Variants in KDM4C observed in about 807,000 individuals in gnomAD.
The protein encoded by KDM4C is lysine-specific demethylase 4C.
KDM4C carries 81 observed loss-of-function variants against 129.3 expected under a neutral mutation model. The observed-to-expected ratio is 0.63, with a 90% confidence interval of 0.52 to 0.75. KDM4C has a LOEUF of 0.75. Ranked by LOEUF, KDM4C falls within the 30% of genes least tolerant of loss-of-function variation. KDM4C has a pLI of 0.00. For missense variants in KDM4C, 1,457 were observed against 1,304.0 expected, an observed-to-expected ratio of 1.12 and a Z score of -1.81; for synonymous variants, 573 against 456.1, an observed-to-expected ratio of 1.26 and a Z score of -3.26.
chr9:6,769,148 C>T (rs139472458), intron 1 of KDM4C, among the ~76,000 whole-genome samples: 2 of 151,352 alleles, frequency 1.3e-5, no homozygotes, highest in African/African-American at 2.4e-5. Flanking sequence ...TTTCTTGGGT[C>T]GTTTTTAAGT....
intron 8 of KDM4C, among the ~76,000 whole-genome samples, chr9:6,906,405 G>A (rs1032992233): frequency 6.6e-6 from 1 of 152,156 alleles, no homozygotes; most frequent in African/African-American, 2.4e-5. Context: ...ACCTGTTGTT[G>A]TCTCAATAGA....
chr9:6,866,843 C>G (rs936938999), intron 5 of KDM4C, among the ~76,000 whole-genome samples: 1 of 149,632 alleles, frequency 6.7e-6, no homozygotes, highest in African/African-American at 2.5e-5. Flanking sequence ...GGATCTGACT[C>G]CTCCTCATAT....
rs763854914 is a variant in KDM4C, at chr9:7,013,774, G to T, written c.1969-14G>T. ...CCATGTTTTTCACTCATGTGGAAAC[G>T]TTATGTTTTTCAGCCAGATAGCAGC... On this transcript the variant is annotated splice_polypyrimidine_tract_variant and intron_variant, in intron 13 of 21. Coordinates refer to ENST00000381309, the MANE Select transcript of KDM4C (RefSeq NM_015061.6). 3.1e-6 allele frequency: 5 copies of T among 1,612,214 alleles called. No homozygotes were observed. The African/African-American group carries it at 5.3e-5, about 17-fold the overall frequency.
chr9:7,006,630 G>A (rs898382384), intron 12 of KDM4C, among the ~76,000 whole-genome samples: 11 of 152,192 alleles, frequency 7.2e-5, no homozygotes, highest in East Asian at 3.9e-4. Context: ...AATTGTACAA[G>A]CAGAAGTTGT....
chr9:7,001,580 A>G (rs998751460), intron 12 of KDM4C, among the ~76,000 whole-genome samples: 1 of 152,184 alleles, frequency 6.6e-6, no homozygotes, highest in African/African-American at 2.4e-5. Flanking sequence ...CCATGTCTTT[A>G]TCTTCCTTAG....
chr9:6,978,147 C>T (rs1362045235), intron 8 of KDM4C, among the ~76,000 whole-genome samples: 1 of 152,134 alleles, frequency 6.6e-6, no homozygotes, highest in Non-Finnish European at 1.5e-5. Flanking sequence ...CTCAGTTTTT[C>T]AGATGGAGAA....
intron 8 of KDM4C, among the ~76,000 whole-genome samples, chr9:6,906,395 A>G (rs1818319206): frequency 6.6e-6 from 1 of 152,134 alleles, no homozygotes; most frequent in African/African-American, 2.4e-5. Flanking sequence ...GTTCCTAAGT[A>G]CCTGTTGTTG....
At chr9:6,841,585 C>T (rs560508097) in intron 4 of KDM4C, among the ~76,000 whole-genome samples, 50 of 152,316 alleles carry the variant, frequency 3.3e-4, no homozygotes, top group Admixed American at 1.4e-3. Context: ...AATGAGAAAG[C>T]AGCCCCTAAA....
At chr9:6,973,209 C>A (rs990198650) in intron 8 of KDM4C, among the ~76,000 whole-genome samples, 1 of 152,126 alleles carries the variant, frequency 6.6e-6, no homozygotes, top group South Asian at 2.1e-4. Context: ...ATTTCTGCTG[C>A]TGCTTTTTTT....
In KDM4C at chr9:7,038,611, C is replaced by T. The variant is rs566031532; in HGVS notation, c.2260-8251C>T. Among the ~76,000 whole-genome samples the T allele has an allele frequency of 3.3e-5, 5 of 152,058 alleles. No homozygotes were observed. In the South Asian group the frequency reaches 1.0e-3, roughly 32 times the overall value. ...TCCCACCAGAGGTAACTATTTTCTC[C>T]ATTATAAACAGAAATGAAATTATAG... On this transcript the variant is annotated intron_variant, in intron 15 of 21. Coordinates refer to ENST00000381309, the MANE Select transcript of KDM4C (RefSeq NM_015061.6).
intron 8 of KDM4C, among the ~76,000 whole-genome samples, chr9:6,928,609 T>A (rs557208523): frequency 1.7e-3 from 263 of 152,292 alleles, no homozygotes; most frequent in Non-Finnish European, 3.0e-3. Context: ...CTTTTTTTTT[T>A]TTAATAATAA....
chr9:7,158,208 T>G (rs1186650176), intron 19 of KDM4C, among the ~76,000 whole-genome samples: 2 of 152,246 alleles, frequency 1.3e-5, no homozygotes, highest in Non-Finnish European at 2.9e-5. Flanking sequence ...ATCCCCTTTT[T>G]CATTTTTTAT....
intron 8 of KDM4C, among the ~76,000 whole-genome samples, chr9:6,939,333 G>A (rs1825415217): frequency 1.3e-5 from 2 of 152,044 alleles, no homozygotes. Flanking sequence ...ATCTGTCACT[G>A]TCTCCCATCC....
intron 12 of KDM4C, among the ~76,000 whole-genome samples, chr9:6,996,659 T>C (rs1819808102): frequency 6.6e-6 from 1 of 152,234 alleles, no homozygotes; most frequent in Admixed American, 6.5e-5. Context: ...GACACAGTGA[T>C]ACTCCTCTGC....
intron 15 of KDM4C, among the ~76,000 whole-genome samples, chr9:7,040,498 G>C (rs1212183515): frequency 6.6e-6 from 1 of 151,730 alleles, no homozygotes; most frequent in Non-Finnish European, 1.5e-5. Flanking sequence ...ATTCCTTCCT[G>C]CTGATCCTTG....
intron 9 of KDM4C, among the ~76,000 whole-genome samples, chr9:6,983,573 G>GACACACACACAC (rs56086219): frequency 0.056 from 8,001 of 142,574 alleles, 284 homozygotes; most frequent in Non-Finnish European, 0.066. Flanking sequence ...GTGTCTTTAT[G>GACACACACACAC]ACACACACAC....
intron 5 of KDM4C, among the ~76,000 whole-genome samples, chr9:6,856,628 G>A (rs1468456337): frequency 3.3e-5 from 5 of 150,760 alleles, no homozygotes; most frequent in Non-Finnish European, 7.4e-5. Flanking sequence ...GGCTGAATGC[G>A]GTGTTGCGAT....
chr9:7,043,559 A>G (rs1190966736), intron 15 of KDM4C, among the ~76,000 whole-genome samples: 1 of 152,062 alleles, frequency 6.6e-6, no homozygotes, highest in Non-Finnish European at 1.5e-5. Flanking sequence ...ATGTAATGAA[A>G]CTACAAATGA....
rs576931021 is a variant in KDM4C at position 7,135,522 on chromosome 9, G to C, written c.2781+7286G>C. Among the ~76,000 whole-genome samples, 8 of 152,244 alleles carry C rather than the reference G, an allele frequency of 5.3e-5. No individual in the cohort carries two copies. The South Asian group carries it at 1.5e-3, about 28-fold the overall frequency. The stretch of plus-strand genomic sequence containing the variant: ...GTGCTGAATATTCATGGGTGAGCCT[G>C]CTTAAACCCATGGGCAGCGGGCACC... On this transcript the variant is annotated intron_variant, in intron 19 of 21. Transcript: ENST00000381309.
Sources: gnomAD v4.1 joint callset for allele counts (sites outside exome capture counted in the v4.1 genomes callset) on GRCh38, gnomAD v4.1.1 for gene constraint, MANE v1.5 for transcripts, NCBI Gene and HGNC (gene_info 2026-07-23, HGNC 2026-07-21) for gene names.